PACRG: variants seen among roughly 807,000 people sequenced by gnomAD.
PACRG encodes parkin coregulated, also known as parkin coregulated gene protein.
PACRG carries 29 observed loss-of-function variants against 29.7 expected under a neutral mutation model. That is an observed-to-expected ratio of 0.98 (90% CI 0.73 to 1.33). The LOEUF (loss-of-function observed/expected upper bound fraction) is 1.33, where lower values mean the gene tolerates loss of function less well. PACRG is among the 40% of genes most tolerant of loss of function. The pLI is 0.00. For synonymous variants in PACRG, 116 were observed against 118.7 expected (o/e 0.98, Z 0.15); for missense variants, 279 against 316.2 (o/e 0.88, Z 0.89).
chr6:163,064,080 A>G (rs1210060456), intron 3 of PACRG, among the ~76,000 whole-genome samples: 3 of 151,602 alleles, frequency 2.0e-5, no homozygotes, highest in African/African-American at 7.3e-5. Context: ...ATTCGGACAT[A>G]TATCCTTTTT....
At chr6:163,230,361 C>G (rs1309999177) in intron 4 of PACRG, among the ~76,000 whole-genome samples, 1 of 152,198 alleles carries the variant, frequency 6.6e-6, no homozygotes, top group Non-Finnish European at 1.5e-5. Context: ...TGTAAGTCTA[C>G]ATGCATAGAA....
At chr6:162,778,042 A>G (rs1783783372) in intron 1 of PACRG, among the ~76,000 whole-genome samples, 1 of 152,196 alleles carries the variant, frequency 6.6e-6, no homozygotes, top group Admixed American at 6.5e-5. Flanking sequence ...CACAGTCTGA[A>G]TGTGTAAAAT....
chr6:163,060,689 A>G (rs1161719978), intron 2 of PACRG, among the ~76,000 whole-genome samples: 3 of 152,132 alleles, frequency 2.0e-5, no homozygotes, highest in Non-Finnish European at 4.4e-5. Flanking sequence ...GTCTGTGAGC[A>G]GACTGTAGAC....
intron 4 of PACRG, among the ~76,000 whole-genome samples, chr6:163,264,756 G>A (rs1023856496): frequency 4.6e-5 from 7 of 152,186 alleles, no homozygotes; most frequent in African/African-American, 7.2e-5. Context: ...GGCTTAGGAC[G>A]GAGGAGTTGC....
At chr6:163,219,084 A>G (rs1393213937) in intron 4 of PACRG, among the ~76,000 whole-genome samples, 1 of 152,202 alleles carries the variant, frequency 6.6e-6, no homozygotes, top group Non-Finnish European at 1.5e-5. Flanking sequence ...ACAGGTTGAT[A>G]TGCCCAGCTC....
At chr6:162,947,349 A>ATATATAATATATGAT in intron 2 of PACRG, among the ~76,000 whole-genome samples, 1 of 41,776 alleles carries the variant, frequency 2.4e-5, no homozygotes, top group Non-Finnish European at 4.3e-5. Flanking sequence ...TATAATGATT[A>ATATATAATATATGAT]CATATATATA....
intron 2 of PACRG, among the ~76,000 whole-genome samples, chr6:162,818,958 C>T (rs191116573): frequency 6.6e-6 from 1 of 152,254 alleles, no homozygotes. Context: ...AAGGGAGAAA[C>T]TCAAAATGGA....
intron 2 of PACRG, among the ~76,000 whole-genome samples, chr6:163,042,257 A>G (rs77456885): frequency 6.6e-6 from 1 of 152,342 alleles, no homozygotes; most frequent in South Asian, 2.1e-4. Flanking sequence ...CAAAGTCCAG[A>G]GAGCCAGGAG....
intron 4 of PACRG, among the ~76,000 whole-genome samples, chr6:163,155,979 A>G (rs1778295418): frequency 6.6e-6 from 1 of 152,168 alleles, no homozygotes; most frequent in African/African-American, 2.4e-5. Flanking sequence ...GATTCAAGCT[A>G]AGAATTGTCT....
intron 2 of PACRG, among the ~76,000 whole-genome samples, chr6:162,970,645 G>A (rs1247443222): frequency 2.0e-5 from 3 of 152,184 alleles, no homozygotes; most frequent in Non-Finnish European, 2.9e-5. Context: ...AACTTTGGAA[G>A]CAATCCTAGA....
chr6:163,034,559 C>G (rs1043818160), intron 2 of PACRG, among the ~76,000 whole-genome samples: 1 of 152,130 alleles, frequency 6.6e-6, no homozygotes, highest in Non-Finnish European at 1.5e-5. Flanking sequence ...TCTAACTCCC[C>G]TAAGTTGGGC....
chr6:163,255,916 G>A (rs909544092), intron 4 of PACRG, among the ~76,000 whole-genome samples: 1 of 152,198 alleles, frequency 6.6e-6, no homozygotes, highest in Non-Finnish European at 1.5e-5. Flanking sequence ...GTTTACAGGT[G>A]TGAGCCACCA....
chr6:162,949,799 C>G (rs1408375151), intron 2 of PACRG, among the ~76,000 whole-genome samples: 1 of 152,234 alleles, frequency 6.6e-6, no homozygotes, highest in East Asian at 1.9e-4. Context: ...TCCTAGGGCC[C>G]AGCTCTGAAG....
intron 2 of PACRG, among the ~76,000 whole-genome samples, chr6:162,976,451 G>C (rs989485279): frequency 6.6e-6 from 1 of 152,176 alleles, no homozygotes; most frequent in Non-Finnish European, 1.5e-5. Flanking sequence ...GTTGAGGGGG[G>C]AAGAAAGGTA....
intron 4 of PACRG, among the ~76,000 whole-genome samples, chr6:163,314,398 G>A (rs576023418): frequency 6.6e-6 from 1 of 152,270 alleles, no homozygotes; most frequent in South Asian, 2.1e-4. Context: ...GATGCGGGTG[G>A]GGGCTAAGCC....
At chr6:163,234,576 A>T (rs996639100) in intron 4 of PACRG, among the ~76,000 whole-genome samples, 3 of 152,304 alleles carry the variant, frequency 2.0e-5, no homozygotes, top group Middle Eastern at 3.4e-3. Context: ...GCATTCCTTT[A>T]TAGCAGCCCC....
At chr6:163,271,785 G>A (rs944008576) in intron 4 of PACRG, among the ~76,000 whole-genome samples, 3 of 152,124 alleles carry the variant, frequency 2.0e-5, no homozygotes, top group South Asian at 4.1e-4. Flanking sequence ...TGAAATTTGA[G>A]ACCAATATGT....
At chr6:162,862,835 G>A (rs1678915577) in intron 2 of PACRG, among the ~76,000 whole-genome samples, 1 of 152,182 alleles carries the variant, frequency 6.6e-6, no homozygotes, top group African/African-American at 2.4e-5. Flanking sequence ...AGACTGGCTG[G>A]GGTGAGCTTT....
chr6:162,804,812 A>G (rs1786180505), intron 1 of PACRG, among the ~76,000 whole-genome samples: 1 of 152,310 alleles, frequency 6.6e-6, no homozygotes, highest in East Asian at 1.9e-4. Context: ...TTACCAATAT[A>G]TTGAATATTT....
Sources: allele counts gnomAD v4.1 joint callset (sites outside exome capture counted in the v4.1 genomes callset), GRCh38; gene constraint gnomAD v4.1.1; transcripts MANE v1.5; gene names NCBI Gene and HGNC (gene_info 2026-07-23, HGNC 2026-07-21).